Variants in SPATA22 observed in about 807,000 individuals in gnomAD.
SPATA22 encodes the protein spermatogenesis associated 22, also known as spermatogenesis-associated protein 22.
A neutral mutation model predicts 47.8 loss-of-function variants in SPATA22; 29 were observed. The observed-to-expected ratio is 0.61, with a 90% CI of 0.45 to 0.83. The LOEUF (loss-of-function observed/expected upper bound fraction) is 0.83, where lower values mean the gene tolerates loss of function less well. Ranked by LOEUF, SPATA22 falls within the 40% of genes least tolerant of loss-of-function variation. SPATA22 has a pLI of 0.00. For synonymous variants in SPATA22, 133 were observed against 140.9 expected (o/e 0.94, Z 0.40); for missense variants, 410 against 421.7 (o/e 0.97, Z 0.24).
intron 5 of SPATA22, among the ~76,000 whole-genome samples, chr17:3,458,391 C>T (rs1033977284): frequency 6.6e-6 from 1 of 151,976 alleles, no homozygotes; most frequent in Non-Finnish European, 1.5e-5. Flanking sequence ...TAACTTGATA[C>T]AGCCATTATG....
intron 5 of SPATA22, among the ~76,000 whole-genome samples, chr17:3,449,439 T>C (rs965710464): frequency 6.6e-6 from 1 of 152,212 alleles, no homozygotes; most frequent in African/African-American, 2.4e-5. Context: ...CAGAGTCTAG[T>C]ACTACAAAGT....
chr17:3,454,933 C>T (rs1230013201), intron 5 of SPATA22, among the ~76,000 whole-genome samples: 2 of 151,566 alleles, frequency 1.3e-5, no homozygotes, highest in African/African-American at 2.4e-5. Flanking sequence ...AAAAGTGTTC[C>T]TATTTCTCCA....
intron 1 of SPATA22, among the ~76,000 whole-genome samples, chr17:3,493,999 T>C (rs2073868510): frequency 6.6e-6 from 1 of 151,796 alleles, no homozygotes; most frequent in Non-Finnish European, 1.5e-5. Context: ...GTTGTTATTA[T>C]TGTTTCTTCC....
intron 3 of SPATA22, among the ~76,000 whole-genome samples, 160 bp downstream of exon 3, chr17:3,467,266 T>G (rs2073335953): frequency 6.6e-6 from 1 of 152,206 alleles, no homozygotes; most frequent in Non-Finnish European, 1.5e-5. Context: ...AAACTTAAAC[T>G]CCTGACCTGG....
intron 5 of SPATA22, among the ~76,000 whole-genome samples, chr17:3,461,469 T>A (rs202192785): frequency 6.6e-6 from 1 of 152,200 alleles, no homozygotes; most frequent in East Asian, 1.9e-4. Flanking sequence ...TACCTAATTA[T>A]CTGTCTAATG....
upstream of SPATA22, among the ~76,000 whole-genome samples, chr17:3,472,714 A>G (rs2073462128): frequency 6.6e-6 from 1 of 152,178 alleles, no homozygotes; most frequent in South Asian, 2.1e-4. Flanking sequence ...TAACCATTTG[A>G]AGACTGGGAT....
chr17:3,510,760 C>T (rs1215192988), intron 1 of SPATA22: 1 of 152,206 alleles, frequency 6.6e-6, no homozygotes, highest in Non-Finnish European at 1.5e-5. Context: ...GGCTTACAGG[C>T]CCGGATGACG....
At chr17:3,486,615 C>A (rs890798234) in intron 1 of SPATA22, among the ~76,000 whole-genome samples, 1 of 152,120 alleles carries the variant, frequency 6.6e-6, no homozygotes, top group Admixed American at 6.6e-5. Context: ...TTCTTGAGCG[C>A]CTCATTAGCA....
upstream of SPATA22, among the ~76,000 whole-genome samples, chr17:3,473,091 C>A (rs1408540823): frequency 1.8e-4 from 27 of 147,280 alleles, no homozygotes; most frequent in African/African-American, 6.7e-4. Context: ...CCACCCACCC[C>A]AAAAATAGAT....
rs2072729701 is a variant in SPATA22 at position 3,446,484 on chromosome 17, AAAG to A, written c.787_789del (p.Leu263del). The A allele has an allele frequency of 6.2e-7, 1 of 1,605,484 alleles. No individual in the cohort carries two copies. The highest frequency in any genetic ancestry group is 8.5e-7 in the Non-Finnish European group (1 of 1,177,266). ...GTATTTTACCTACCTAATACTTCAA[AAAG>A]AAGTACAGTTTTCTGTGCATGTTCA... is the stretch of plus-strand genomic sequence containing the variant. On this transcript the variant is annotated inframe_deletion, in exon 7 of 9. Coordinates refer to ENST00000572969, the MANE Select transcript of SPATA22 (RefSeq NM_001170698.2).
intron 1 of SPATA22, chr17:3,501,952 CA>C (rs35886989): frequency 0.89 from 130,858 of 147,380 alleles, 58,038 homozygotes; most frequent in Non-Finnish European, 0.92. Context: ...GCCTCCATCT[CA>C]AAAAAAAAAA....
intron 7 of SPATA22, 89 bp from the exon 8 acceptor site, chr17:3,443,360 C>T (rs972338413): frequency 2.6e-5 from 21 of 821,848 alleles, no homozygotes; most frequent in Non-Finnish European, 4.1e-5. Flanking sequence ...AAATAACTAT[C>T]CATATCAACC....
chr17:3,453,626 G>C (rs149464730), intron 5 of SPATA22, among the ~76,000 whole-genome samples: 2,162 of 152,134 alleles, frequency 0.014, 21 homozygotes, highest in Non-Finnish European at 0.022. Flanking sequence ...TTCAAACATA[G>C]TTACAGGCTG....
intron 5 of SPATA22, among the ~76,000 whole-genome samples, chr17:3,450,559 G>C (rs1298353168): frequency 6.6e-6 from 1 of 152,048 alleles, no homozygotes; most frequent in Non-Finnish European, 1.5e-5. Context: ...CAAACCCATG[G>C]GCACAAGTGA....
intron 1 of SPATA22, chr17:3,511,389 A>G (rs939586723): frequency 6.6e-6 from 1 of 152,226 alleles, no homozygotes; most frequent in African/African-American, 2.4e-5. Context: ...TCTGTGGTCC[A>G]AGAATCAGGA....
intron 1 of SPATA22, 165 bp downstream of exon 1, chr17:3,471,517 C>T (rs1048553668): frequency 7.2e-6 from 7 of 977,244 alleles, no homozygotes; most frequent in East Asian, 1.1e-4. Context: ...TCAATCTGCA[C>T]GCACACACAC....
intron 1 of SPATA22, among the ~76,000 whole-genome samples, chr17:3,496,483 C>T (rs2073908935): frequency 6.6e-6 from 1 of 152,130 alleles, no homozygotes; most frequent in Admixed American, 6.5e-5. Flanking sequence ...ATGTGGAAGG[C>T]AAGTGAGAGG....
At chr17:3,489,952 T>G (rs897549087) in intron 1 of SPATA22, among the ~76,000 whole-genome samples, 4 of 152,240 alleles carry the variant, frequency 2.6e-5, no homozygotes, top group African/African-American at 9.6e-5. Context: ...AGCATGAATG[T>G]CCACCTGTTG....
chr17:3,443,763 G>A (rs951890721), intron 7 of SPATA22, among the ~76,000 whole-genome samples: 2 of 151,590 alleles, frequency 1.3e-5, no homozygotes, highest in African/African-American at 4.8e-5. Flanking sequence ...ATACATTTAA[G>A]GTATACAACA....
Sources: gnomAD v4.1 joint callset for allele counts (sites outside exome capture counted in the v4.1 genomes callset) on GRCh38, gnomAD v4.1.1 for gene constraint, MANE v1.5 for transcripts, NCBI Gene and HGNC (gene_info 2026-07-23, HGNC 2026-07-21) for gene names.